The following ADHFE1 variants were observed in gnomAD, a reference collection of about 807,000 sequenced individuals.
ADHFE1 encodes the protein hydroxyacid-oxoacid transhydrogenase, mitochondrial.
ADHFE1 carries 37 observed loss-of-function variants against 54.8 expected under a neutral mutation model. The ratio of observed to expected loss-of-function variants is 0.68; its 90% CI spans 0.52 to 0.89. ADHFE1 has a LOEUF of 0.89. Among genes scored for constraint, ADHFE1 ranks in the 40% least tolerant of loss-of-function variants. ADHFE1 has a pLI of 0.00. For synonymous variants in ADHFE1, 203 were observed against 229.3 expected (o/e 0.89, Z 1.04); for missense variants, 601 against 591.2 (o/e 1.02, Z -0.17).
intron 1 of ADHFE1, among the ~76,000 whole-genome samples, chr8:66,435,439 T>C (rs1167470666): frequency 6.6e-6 from 1 of 152,042 alleles, no homozygotes; most frequent in East Asian, 1.9e-4. Flanking sequence ...GTTCCTTAGC[T>C]TGTGGCCCCT....
chr8:66,435,922 T>A lies in ADHFE1; in HGVS notation c.59+3347T>A, dbSNP rs114204089. On this transcript the variant is annotated intron_variant, in intron 1 of 13. Coordinates refer to ENST00000396623, the MANE Select transcript of ADHFE1 (RefSeq NM_144650.3). Reference sequence around the variant, plus strand: ...CAACACCTAGCAAGATTCTTTTTTTTTTTTTTTTTTTGAGATGGAGTCTCG... The same window carrying A: ...CAACACCTAGCAAGATTCTTTTTTTATTTTTTTTTTTGAGATGGAGTCTCG... Among the ~76,000 whole-genome samples, 1,347 of 145,598 alleles carry A rather than the reference T, an allele frequency of 9.3e-3. 10 individuals are homozygous for A. Among genetic ancestry groups the A allele is most frequent in the South Asian group, 0.028 (129 of 4,592 alleles).
chr8:66,456,777 A>G lies in ADHFE1; in HGVS notation c.987-40A>G, dbSNP rs200382360. ...CTTTCTATTGTTGACTTGAATTTTG[A>G]TAACTGTGTATGAACATAAGGATTT... is the stretch of plus-strand genomic sequence containing the variant. On this transcript the variant is annotated intron_variant, in intron 10 of 13. Coordinates refer to ENST00000396623, the MANE Select transcript of ADHFE1 (RefSeq NM_144650.3). 2.8e-5 allele frequency: 41 copies of G among 1,488,818 alleles called. 1 individual carries two copies. The Middle Eastern group carries it at 6.9e-4, about 25-fold the overall frequency. 92.2% of individuals were successfully genotyped at this position (1,488,818 alleles called of 1,614,324 possible).
Position 66,439,137 on chromosome 8 carries a change from C to G in ADHFE1, c.60-1025C>G. On this transcript the variant is annotated intron_variant, in intron 1 of 13. Transcript: ENST00000396623. This position sits in a 1 kb window ranked among gnomAD's most constrained non-coding sequence, Gnocchi z 4.4. ...CAGCTCTCACTCGCCCCCGCGTCTG[C>G]TTTGACTTCGCAGTTCGAATTTTTG... 1.0e-6 allele frequency: 1 copy of G among 967,706 alleles called. No individual in the cohort carries two copies. Among genetic ancestry groups the G allele is most frequent in the Non-Finnish European group, 1.2e-6 (1 of 813,792 alleles). 59.9% of individuals were successfully genotyped at this position (967,706 alleles called of 1,614,324 possible).
In ADHFE1 at chr8:66,439,325, GAAACATA is replaced by G; in HGVS notation, c.60-832_60-826del. On this transcript the variant is annotated intron_variant, in intron 1 of 13. Coordinates refer to ENST00000396623, the MANE Select transcript of ADHFE1 (RefSeq NM_144650.3). The surrounding 1 kb of genome is among the most constrained non-coding windows in gnomAD (Gnocchi z 4.4). ...GACAAGGTCTTCTGGGCAACCCAAC[GAAACATA>G]AAACCGTCTTCCCAGCCTCGATCAG... is the stretch of plus-strand genomic sequence containing the variant. 1.0e-6 allele frequency: 1 copy of G among 985,560 alleles called. No individual in the cohort carries two copies. The allele number at this position is 985,560 out of a possible 1,614,324, so 61.1% of individuals were successfully genotyped here. A position where few individuals can be genotyped will look rare whatever the true frequency, so the allele number is the denominator to read the frequency against.
chr8:66,442,690 G>T, intron 2 of ADHFE1, 108 bp from the exon 3 acceptor site: 1 of 939,026 alleles, frequency 1.1e-6, no homozygotes, highest in Non-Finnish European at 1.6e-6. Context: ...ATATATTTTT[G>T]GTAAGACTTC....
intron 10 of ADHFE1, among the ~76,000 whole-genome samples, chr8:66,455,455 C>A (rs924754741): frequency 6.6e-6 from 1 of 152,202 alleles, no homozygotes; most frequent in Non-Finnish European, 1.5e-5. Flanking sequence ...TAAGAATAGG[C>A]CTTTGCTAGG....
chr8:66,465,426 A>C (rs894080696), intron 13 of ADHFE1, among the ~76,000 whole-genome samples: 1 of 152,268 alleles, frequency 6.6e-6, no homozygotes, highest in South Asian at 2.1e-4. Flanking sequence ...AATGGTGTGA[A>C]GTGGTATCTT....
intron 13 of ADHFE1, among the ~76,000 whole-genome samples, chr8:66,465,078 A>C (rs577794024): frequency 6.6e-6 from 1 of 152,352 alleles, no homozygotes; most frequent in East Asian, 1.9e-4. Context: ...ATAATGTTCC[A>C]TTGTATGGAT....
At chr8:66,457,303 ACC>A (rs1047212030) in intron 12 of ADHFE1, 137 bp downstream of exon 12, 6 of 619,374 alleles carry the variant, frequency 9.7e-6, no homozygotes, top group Non-Finnish European at 1.6e-5. Flanking sequence ...ACATGGCAAA[ACC>A]CCATCTCTAC....
At chr8:66,457,790 T>G (rs1806671394) in intron 12 of ADHFE1, among the ~76,000 whole-genome samples, 1 of 146,780 alleles carries the variant, frequency 6.8e-6, no homozygotes, top group Non-Finnish European at 1.5e-5. Context: ...TAATACTGTT[T>G]CCTGTTTTTA....
chr8:66,441,471 T>C (rs1426717842), intron 2 of ADHFE1, among the ~76,000 whole-genome samples: 2 of 152,168 alleles, frequency 1.3e-5, no homozygotes, highest in African/African-American at 4.8e-5. Context: ...CTCAGGGAGC[T>C]GAAGGTAGAT....
intron 3 of ADHFE1, among the ~76,000 whole-genome samples, chr8:66,443,264 A>ATTTTTTTTTTTTTTTTTTTTTTTTTTTTT (rs540464621): frequency 1.2e-5 from 1 of 86,094 alleles, no homozygotes; most frequent in African/African-American, 4.1e-5. Context: ...TAGTCCAGGA[A>ATTTTTTTTTTTTTTTTTTTTTTTTTTTTT]TTTTTTTTTT....
intron 10 of ADHFE1, among the ~76,000 whole-genome samples, chr8:66,455,472 G>T (rs944299832): frequency 6.6e-6 from 1 of 152,198 alleles, no homozygotes; most frequent in African/African-American, 2.4e-5. Context: ...TAGGGTGAGC[G>T]CAAGGAATGA....
intron 10 of ADHFE1, among the ~76,000 whole-genome samples, chr8:66,454,601 T>A (rs1806474852): frequency 6.6e-6 from 1 of 152,306 alleles, no homozygotes; most frequent in Non-Finnish European, 1.5e-5. Context: ...CCATCATCAA[T>A]TTTAGAACAT....
chr8:66,438,783 C>T (rs936512320), intron 1 of ADHFE1, among the ~76,000 whole-genome samples: 1 of 151,244 alleles, frequency 6.6e-6, no homozygotes, highest in Non-Finnish European at 1.5e-5. Context: ...AGGTAGAGGT[C>T]CCGAGAAAGC....
At chr8:66,460,598 G>C (rs1806849206) in intron 13 of ADHFE1, 133 bp downstream of exon 13, 1 of 1,083,388 alleles carries the variant, frequency 9.2e-7, no homozygotes, top group African/African-American at 1.6e-5. Context: ...CTCCACAGCA[G>C]ACAGCAGTTC....
rs1438520517 is a variant in ADHFE1, at chr8:66,448,858, G to A, written c.629-7G>A. On this transcript the variant is annotated splice_region_variant and splice_polypyrimidine_tract_variant and intron_variant, in intron 7 of 13. Coordinates refer to ENST00000396623, the MANE Select transcript of ADHFE1 (RefSeq NM_144650.3). Reference sequence around the variant, plus strand: ...TTTAGCCTCTACTGAAAATCCTTATGTTTTAGGCATCACTTCGAGAGCCAT... The same window carrying A: ...TTTAGCCTCTACTGAAAATCCTTATATTTTAGGCATCACTTCGAGAGCCAT... 2.5e-6 allele frequency: 4 copies of A among 1,612,722 alleles called. No homozygotes were observed. The highest frequency in any genetic ancestry group is 2.5e-6 in the Non-Finnish European group (3 of 1,179,220).
intron 2 of ADHFE1, among the ~76,000 whole-genome samples, chr8:66,441,211 T>G (rs540863020): frequency 1.3e-5 from 2 of 152,364 alleles, no homozygotes; most frequent in East Asian, 3.9e-4. Context: ...TTTATGTCTT[T>G]AAAATTTAGT....
Position 66,439,981 on chromosome 8 carries a change from T to C in ADHFE1, c.60-181T>C, listed in dbSNP as rs1805662906. On this transcript the variant is annotated intron_variant, in intron 1 of 13. Transcript: ENST00000396623. The surrounding 1 kb of genome is among the most constrained non-coding windows in gnomAD (Gnocchi z 4.4). ...GCGCTGGGAAGACGCTGAGTCAACT[T>C]TTTGTCCATCGTGATTTCTGGGTCT... 6.6e-6 allele frequency among the ~76,000 whole-genome samples: 1 copy of C among 152,198 alleles called. No homozygotes were observed. The highest frequency in any genetic ancestry group is 1.5e-5 in the Non-Finnish European group (1 of 68,038).
Sources: gnomAD v4.1 joint callset for allele counts (sites outside exome capture counted in the v4.1 genomes callset) on GRCh38, gnomAD v4.1.1 for gene constraint, Gnocchi (gnomAD v3.1) non-coding constraint, MANE v1.5 for transcripts, NCBI Gene and HGNC (gene_info 2026-07-23, HGNC 2026-07-21) for gene names.